Variants in EZH2 observed in about 807,000 individuals in gnomAD.
EZH2 encodes enhancer of zeste 2 polycomb repressive complex 2 subunit, also known as histone-lysine N-methyltransferase EZH2.
Under a neutral mutation model 98.4 loss-of-function variants are expected in EZH2, and 18 were observed. The ratio of observed to expected loss-of-function variants is 0.18; its 90% CI spans 0.13 to 0.27. EZH2 has a LOEUF of 0.27. EZH2 is among the 10% of genes least tolerant of loss of function. EZH2 has a pLI of 1.00. For missense variants in EZH2, 470 were observed against 935.1 expected, an observed-to-expected ratio of 0.50 and a Z score of 6.49; for synonymous variants, 338 against 312.3, an observed-to-expected ratio of 1.08 and a Z score of -0.87.
At chr7:148,858,149 A>G (rs1458086218) in intron 1 of EZH2, among the ~76,000 whole-genome samples, 2 of 151,566 alleles carry the variant, frequency 1.3e-5, no homozygotes, top group East Asian at 3.9e-4. Flanking sequence ...AAAATTAGCC[A>G]GGCGTGGTGG....
chr7:148,875,723 T>C (rs1820079391), intron 1 of EZH2, among the ~76,000 whole-genome samples: 1 of 152,196 alleles, frequency 6.6e-6, no homozygotes, highest in Non-Finnish European at 1.5e-5. Context: ...AAATCAATAT[T>C]TACCACTAAA....
At position 148,866,563 on chromosome 7, in the gene EZH2, CATATATAT is replaced by C. The variant is rs56120446; in HGVS notation, c.-8+17593_-8+17600del. On this transcript the variant is annotated intron_variant, in intron 1 of 19. Transcript: ENST00000320356. ...GTATATACATATATATACATATATA[CATATATAT>C]ACGTATATACATATATTGTATACAC... is the stretch of plus-strand genomic sequence containing the variant. Among the ~76,000 whole-genome samples, 5 of 122,798 alleles carry C rather than the reference CATATATAT, an allele frequency of 4.1e-5. 1 individual carries two copies. The highest frequency in any genetic ancestry group is 2.6e-4 in the South Asian group (1 of 3,858). The allele number at this position is 122,798 out of a possible 152,430, so 80.6% of individuals were successfully genotyped here.
chr7:148,859,447 A>G (rs1485396954), intron 1 of EZH2, among the ~76,000 whole-genome samples: 1 of 152,128 alleles, frequency 6.6e-6, no homozygotes, highest in Admixed American at 6.5e-5. Context: ...CAGGGATTTC[A>G]GTGAGCCAAG....
At chr7:148,838,337 G>C (rs1487145423) in intron 3 of EZH2, among the ~76,000 whole-genome samples, 5 of 151,950 alleles carry the variant, frequency 3.3e-5, no homozygotes, top group Non-Finnish European at 4.4e-5. Flanking sequence ...TCAGAAGCCG[G>C]GCCCTGAATG....
chr7:148,858,794 A>AG (rs1817234535), intron 1 of EZH2, among the ~76,000 whole-genome samples: 1 of 152,204 alleles, frequency 6.6e-6, no homozygotes, highest in South Asian at 2.1e-4. Flanking sequence ...ACAATTTAAA[A>AG]GGAAAAAAAA....
intron 3 of EZH2, among the ~76,000 whole-genome samples, chr7:148,844,452 G>A (rs1309399475): frequency 6.6e-6 from 1 of 152,094 alleles, no homozygotes; most frequent in African/African-American, 2.4e-5. Flanking sequence ...ATCTGAAGCA[G>A]GATCAGCTAC....
At chr7:148,859,757 T>A (rs1465644203) in intron 1 of EZH2, among the ~76,000 whole-genome samples, 1 of 152,140 alleles carries the variant, frequency 6.6e-6, no homozygotes, top group Non-Finnish European at 1.5e-5. Flanking sequence ...TGTTTTCTGG[T>A]AAAGATTCCA....
intron 8 of EZH2, among the ~76,000 whole-genome samples, chr7:148,822,886 G>A (rs564245235): frequency 3.3e-4 from 50 of 152,138 alleles, no homozygotes; most frequent in African/African-American, 1.2e-3. Flanking sequence ...AGGTCGCCGT[G>A]AGCCAAGACT....
At chr7:148,837,096 C>A in intron 3 of EZH2, 1 of 417,070 alleles carries the variant, frequency 2.4e-6, no homozygotes, top group East Asian at 5.3e-5. Context: ...TTCACAACTA[C>A]CCTGTGAGGT....
In EZH2 at chr7:148,846,838, CTGTGTGTGTGTG is replaced by C. The variant is rs59597308; in HGVS notation, c.118-252_118-241del. Reference sequence around the variant, plus strand: ...ACGATTGCCATCCTTTCTTTGTTGACTGTGTGTGTGTGTGTGTGTGTGTGTGTGTGTGTGTGT... The same window carrying C: ...ACGATTGCCATCCTTTCTTTGTTGACTGTGTGTGTGTGTGTGTGTGTGTGT... On this transcript the variant is annotated intron_variant, in intron 2 of 19. Transcript: ENST00000320356. 0.066 allele frequency among the ~76,000 whole-genome samples: 8,981 copies of C among 135,106 alleles called. 344 individuals are homozygous for C. Among genetic ancestry groups the C allele is most frequent in the Middle Eastern group, 0.079 (22 of 278 alleles). 88.6% of individuals were successfully genotyped at this position (135,106 alleles called of 152,430 possible).
Position 148,807,384 on chromosome 7 carries a change from ACAAGTT to A in EZH2, c.*256_*261del. ...CGTTATGAGAGATGATTCAACAAGGACAAGTTCAAGTATTCTTTATTCAAAGTTGAA... is the reference window on the plus strand; with the variant it reads ...CGTTATGAGAGATGATTCAACAAGGACAAGTATTCTTTATTCAAAGTTGAA... On this transcript the variant is annotated 3_prime_UTR_variant, in exon 20 of 20. Transcript: ENST00000320356. The A allele has an allele frequency of 2.1e-6, 1 of 469,910 alleles. No homozygotes were observed. Among genetic ancestry groups the A allele is most frequent in the Non-Finnish European group, 3.8e-6 (1 of 262,380 alleles). 29.1% of individuals were successfully genotyped at this position (469,910 alleles called of 1,614,324 possible).
intron 3 of EZH2, among the ~76,000 whole-genome samples, chr7:148,839,097 GA>G (rs1232504987): frequency 1.6e-4 from 25 of 151,776 alleles, no homozygotes; most frequent in Middle Eastern, 3.4e-3. Flanking sequence ...AGGAAGGAAG[GA>G]AGGAAGGAAA....
intron 9 of EZH2, among the ~76,000 whole-genome samples, 158 bp downstream of exon 9, chr7:148,819,438 A>C (rs901298344): frequency 6.6e-6 from 1 of 152,248 alleles, no homozygotes; most frequent in African/African-American, 2.4e-5. Flanking sequence ...TGTGCAGTAC[A>C]TGAGCTATGG....
chr7:148,843,457 A>G (rs1813019887), intron 3 of EZH2, among the ~76,000 whole-genome samples: 1 of 152,150 alleles, frequency 6.6e-6, no homozygotes, highest in Admixed American at 6.5e-5. Flanking sequence ...CCTGACCTGA[A>G]GTCAGCATCT....
intron 1 of EZH2, among the ~76,000 whole-genome samples, chr7:148,876,495 A>G (rs1327899086): frequency 3.3e-5 from 5 of 152,220 alleles, no homozygotes; most frequent in African/African-American, 1.2e-4. Flanking sequence ...AAAAATTAAT[A>G]TAACTTGACA....
intron 4 of EZH2, 80 bp downstream of exon 4, chr7:148,832,554 C>A: frequency 1.3e-6 from 1 of 781,704 alleles, no homozygotes; most frequent in East Asian, 2.5e-5. Flanking sequence ...TCTTGATTCA[C>A]CTTGACAATA....
intron 3 of EZH2, among the ~76,000 whole-genome samples, chr7:148,844,061 C>T (rs1813289214): frequency 6.6e-6 from 1 of 151,734 alleles, no homozygotes; most frequent in Non-Finnish European, 1.5e-5. Flanking sequence ...ATGTTGAATG[C>T]TATAGACTTT....
At chr7:148,818,515 C>A (rs914405874) in intron 9 of EZH2, among the ~76,000 whole-genome samples, 8 of 152,066 alleles carry the variant, frequency 5.3e-5, no homozygotes, top group African/African-American at 1.9e-4. Flanking sequence ...AATCATATAC[C>A]TAATGTGCAC....
chr7:148,879,308 T>C (rs1820617389), intron 1 of EZH2, among the ~76,000 whole-genome samples: 1 of 152,140 alleles, frequency 6.6e-6, no homozygotes, highest in Non-Finnish European at 1.5e-5. Flanking sequence ...CCCACCACTT[T>C]GGGAGGACGA....
Sources: allele counts gnomAD v4.1 joint callset (sites outside exome capture counted in the v4.1 genomes callset), GRCh38; gene constraint gnomAD v4.1.1; transcripts MANE v1.5; gene names NCBI Gene and HGNC (gene_info 2026-07-23, HGNC 2026-07-21).